AFF1: variants seen among roughly 807,000 people sequenced by gnomAD.
AFF1 encodes AF4/FMR2 family member 1.
A neutral mutation model predicts 121.7 loss-of-function variants in AFF1; 48 were observed. The ratio of observed to expected loss-of-function variants is 0.39; its 90% CI spans 0.31 to 0.50. The LOEUF is 0.50. Ranked by LOEUF, AFF1 falls within the 20% of genes least tolerant of loss-of-function variation. AFF1 has a pLI of 0.76. For missense variants in AFF1, 1,523 were observed against 1,511.7 expected (o/e 1.01, Z -0.12); for synonymous variants, 613 against 563.0 (o/e 1.09, Z -1.26).
chr4:87,000,605 C>CTGTGTGTGTG (rs57615388), intron 2 of AFF1, among the ~76,000 whole-genome samples: 7,603 of 146,358 alleles, frequency 0.052, 260 homozygotes, highest in African/African-American at 0.079. Context: ...AAAATAAACT[C>CTGTGTGTGTG]TGTGTGTGTG....
chr4:87,119,614 T>G (rs972106984), intron 12 of AFF1, among the ~76,000 whole-genome samples: 3 of 152,168 alleles, frequency 2.0e-5, no homozygotes, highest in African/African-American at 7.2e-5. Flanking sequence ...GAGCTACATG[T>G]GTGAGCCTTG....
intron 12 of AFF1, among the ~76,000 whole-genome samples, chr4:87,122,293 CAA>C (rs748388827): frequency 6.6e-6 from 1 of 152,220 alleles, no homozygotes; most frequent in Non-Finnish European, 1.5e-5. Context: ...GCTTGATTGA[CAA>C]GAGAGTTACC....
At chr4:87,060,835 CAAAAAAAAAAAAAAAAAAAAAAAA>C (rs749186199) in intron 4 of AFF1, among the ~76,000 whole-genome samples, 11 of 62,304 alleles carry the variant, frequency 1.8e-4, no homozygotes, top group East Asian at 1.1e-3. Flanking sequence ...GACTCTGTCT[CAAAAAAAAAAAAAAAAAAAAAAAA>C]AAAAAAAACA....
intron 6 of AFF1, among the ~76,000 whole-genome samples, chr4:87,090,513 T>G (rs1218047878): frequency 6.6e-6 from 1 of 152,244 alleles, no homozygotes; most frequent in Non-Finnish European, 1.5e-5. Context: ...ACTTGTGTGT[T>G]TCTGTTACAG....
intron 2 of AFF1, among the ~76,000 whole-genome samples, chr4:87,019,961 A>G (rs1727732805): frequency 6.6e-6 from 1 of 151,778 alleles, no homozygotes; most frequent in Non-Finnish European, 1.5e-5. Context: ...TGTAGATAGT[A>G]GGAAAATCTC....
chr4:87,076,398 A>G (rs1408804587), intron 4 of AFF1, among the ~76,000 whole-genome samples: 1 of 152,218 alleles, frequency 6.6e-6, no homozygotes, highest in Non-Finnish European at 1.5e-5. Flanking sequence ...AAAAAGAGTC[A>G]GGGAACATGA....
rs986783098 is a variant in AFF1 at position 87,117,716 on chromosome 4, T to TA, written c.2466+2423dup. ...TTAGAAGCTTTCAGGTAAATAAATA[T>TA]AAAAAACCAGTCAACCGTATTCTTA... On this transcript the variant is annotated intron_variant, in intron 12 of 20. Coordinates refer to ENST00000395146, the MANE Select transcript of AFF1 (RefSeq NM_001166693.3). 8.5e-5 allele frequency among the ~76,000 whole-genome samples: 13 copies of TA among 152,344 alleles called. No individual in the cohort carries two copies. In the East Asian group the frequency reaches 1.9e-3, roughly 23 times the overall value.
At chr4:86,960,475 G>A (rs1216617392) in intron 2 of AFF1, among the ~76,000 whole-genome samples, 3 of 152,134 alleles carry the variant, frequency 2.0e-5, no homozygotes, top group Non-Finnish European at 4.4e-5. Context: ...GTAGAAAAAG[G>A]TCCGTTTTTA....
At chr4:87,134,397 A>C in intron 19 of AFF1, 74 bp from the exon 20 acceptor site, 1 of 1,354,946 alleles carries the variant, frequency 7.4e-7, no homozygotes, top group East Asian at 2.3e-5. Flanking sequence ...CTGTAGTTCC[A>C]GACACGTAAA....
chr4:87,072,489 C>G (rs1357331586), intron 4 of AFF1, among the ~76,000 whole-genome samples: 1 of 151,166 alleles, frequency 6.6e-6, no homozygotes, highest in East Asian at 1.9e-4. Context: ...TTTTATATAT[C>G]TAGTCTGCCC....
intron 1 of AFF1, among the ~76,000 whole-genome samples, chr4:86,946,297 G>A (rs1205797814): frequency 6.6e-6 from 1 of 152,126 alleles, no homozygotes; most frequent in Non-Finnish European, 1.5e-5. Flanking sequence ...TTTACTGAAT[G>A]TGTCTTTGCT....
intron 4 of AFF1, among the ~76,000 whole-genome samples, chr4:87,075,976 T>C (rs1240373803): frequency 6.6e-6 from 1 of 152,184 alleles, no homozygotes; most frequent in African/African-American, 2.4e-5. Flanking sequence ...GCTAAGGCCT[T>C]GTGAGGAATG....
intron 1 of AFF1, among the ~76,000 whole-genome samples, chr4:86,947,126 A>G (rs1417068930): frequency 1.3e-5 from 2 of 152,152 alleles, no homozygotes; most frequent in Non-Finnish European, 2.9e-5. Context: ...TGGTGAGGGA[A>G]GGGAAGGGAG....
At chr4:87,131,619 GT>G (rs1234505856) in intron 17 of AFF1, among the ~76,000 whole-genome samples, 173 bp from the exon 18 acceptor site, 4 of 152,178 alleles carry the variant, frequency 2.6e-5, no homozygotes, top group African/African-American at 9.7e-5. Flanking sequence ...TACTCACCTA[GT>G]TTTCTCAATG....
intron 12 of AFF1, among the ~76,000 whole-genome samples, chr4:87,117,587 A>G (rs1453535541): frequency 6.6e-6 from 1 of 152,204 alleles, no homozygotes; most frequent in Non-Finnish European, 1.5e-5. Flanking sequence ...AGAGCATACA[A>G]AGCTAGTTAT....
At chr4:86,997,815 G>GA (rs997508510) in intron 2 of AFF1, among the ~76,000 whole-genome samples, 4 of 145,226 alleles carry the variant, frequency 2.8e-5, no homozygotes, top group Admixed American at 2.1e-4. Context: ...ACAGGCCTAA[G>GA]AAGCTGAGTG....
intron 15 of AFF1, among the ~76,000 whole-genome samples, 196 bp downstream of exon 15, chr4:87,127,313 A>G (rs552092824): frequency 3.3e-5 from 5 of 152,158 alleles, no homozygotes; most frequent in Non-Finnish European, 5.9e-5. Flanking sequence ...GGCATGAGCC[A>G]TCATGCCTGG....
At chr4:87,111,709 A>G (rs941548354) in intron 11 of AFF1, among the ~76,000 whole-genome samples, 2 of 152,186 alleles carry the variant, frequency 1.3e-5, no homozygotes, top group African/African-American at 4.8e-5. Context: ...CACAACACCC[A>G]AATAATGTAT....
intron 4 of AFF1, among the ~76,000 whole-genome samples, chr4:87,078,317 T>C (rs1308879088): frequency 6.6e-6 from 1 of 152,214 alleles, no homozygotes; most frequent in Non-Finnish European, 1.5e-5. Flanking sequence ...TCTTCTTAAG[T>C]GTCTAAAGCC....
Sources: gnomAD v4.1 joint callset for allele counts (sites outside exome capture counted in the v4.1 genomes callset) on GRCh38, gnomAD v4.1.1 for gene constraint, MANE v1.5 for transcripts, NCBI Gene and HGNC (gene_info 2026-07-23, HGNC 2026-07-21) for gene names.